NDFIP2: variants seen among roughly 807,000 people sequenced by gnomAD.
NDFIP2 encodes the protein NEDD4 family-interacting protein 2.
In NDFIP2, 19 loss-of-function variants were observed where a neutral mutation model predicts 36.0. The observed-to-expected ratio is 0.53, with a 90% CI of 0.37 to 0.77. NDFIP2 has a LOEUF of 0.77. NDFIP2 is among the 30% of genes least tolerant of loss of function. The pLI, the probability that NDFIP2 is intolerant of heterozygous loss-of-function variation, is 0.00. For missense variants in NDFIP2, 446 were observed against 435.8 expected (o/e 1.02, Z -0.21); for synonymous variants, 181 against 167.7 (o/e 1.08, Z -0.61).
chr13:79,552,069 C>T (rs1157928147), intron 7 of NDFIP2, among the ~76,000 whole-genome samples: 1 of 151,152 alleles, frequency 6.6e-6, no homozygotes, highest in Non-Finnish European at 1.5e-5. Context: ...ATATAATTTA[C>T]TTATTTCTGC....
chr13:79,482,169 C>CTTTTTTTTTTTTTT (rs10558361), intron 1 of NDFIP2, among the ~76,000 whole-genome samples: 7 of 75,886 alleles, frequency 9.2e-5, no homozygotes, highest in African/African-American at 2.4e-4. Context: ...TTCTTTCTTT[C>CTTTTTTTTTTTTTT]TTTTTTTTTT....
At chr13:79,512,273 A>G (rs945107736) in intron 1 of NDFIP2, among the ~76,000 whole-genome samples, 1 of 152,228 alleles carries the variant, frequency 6.6e-6, no homozygotes, top group African/African-American at 2.4e-5. Context: ...AAACCAAAGC[A>G]TTGGAATATT....
At chr13:79,526,921 TA>T in intron 2 of NDFIP2, among the ~76,000 whole-genome samples, 1 of 152,238 alleles carries the variant, frequency 6.6e-6, no homozygotes, top group East Asian at 1.9e-4. Context: ...GAGAATTAAA[TA>T]ACTTGCCTGT....
In NDFIP2 at chr13:79,482,169, C is replaced by CT. The variant is rs10558361; in HGVS notation, c.321+671dup. ...CCACTTTTTCTTTCTTTCTTTCTTT[C>CT]TTTTTTTTTTTTTTTTTTTTTTTTT... On this transcript the variant is annotated intron_variant, in intron 1 of 7. Transcript: ENST00000218652. Among the ~76,000 whole-genome samples the CT allele has an allele frequency of 5.5e-3, 414 of 75,898 alleles. 19 individuals are homozygous for CT. Among genetic ancestry groups the CT allele is most frequent in the East Asian group, 0.018 (34 of 1,928 alleles). 49.8% of individuals were successfully genotyped at this position (75,898 alleles called of 152,430 possible). A position where few individuals can be genotyped will look rare whatever the true frequency, so the allele number is the denominator to read the frequency against.
At chr13:79,482,187 T>C (rs1318777407) in intron 1 of NDFIP2, among the ~76,000 whole-genome samples, 1 of 147,116 alleles carries the variant, frequency 6.8e-6, no homozygotes, top group Non-Finnish European at 1.5e-5. Flanking sequence ...TTTTTTTTTT[T>C]TTTTTTTTGG....
At chr13:79,517,427 T>C (rs1048844076) in intron 1 of NDFIP2, among the ~76,000 whole-genome samples, 1 of 152,256 alleles carries the variant, frequency 6.6e-6, no homozygotes, top group African/African-American at 2.4e-5. Context: ...AGTAGAATTG[T>C]CTAATTTGAT....
At chr13:79,518,231 T>C (rs1313789654) in intron 1 of NDFIP2, among the ~76,000 whole-genome samples, 3 of 152,248 alleles carry the variant, frequency 2.0e-5, no homozygotes, top group African/African-American at 7.2e-5. Flanking sequence ...GCAAGAAATA[T>C]AAACTTCATT....
intron 1 of NDFIP2, among the ~76,000 whole-genome samples, chr13:79,489,922 G>T (rs1031925514): frequency 6.6e-6 from 1 of 152,192 alleles, no homozygotes; most frequent in Non-Finnish European, 1.5e-5. Flanking sequence ...GTCTAATGCC[G>T]AATGAAAATG....
chr13:79,500,653 G>T (rs1873629980), intron 1 of NDFIP2, among the ~76,000 whole-genome samples: 1 of 151,918 alleles, frequency 6.6e-6, no homozygotes, highest in Non-Finnish European at 1.5e-5. Flanking sequence ...AATTCAGAAC[G>T]CTGACAACAA....
At chr13:79,505,323 T>C (rs1181572470) in intron 1 of NDFIP2, among the ~76,000 whole-genome samples, 1 of 152,148 alleles carries the variant, frequency 6.6e-6, no homozygotes, top group South Asian at 2.1e-4. Context: ...TTATCCTTAC[T>C]GTGGGAGTTC....
At chr13:79,545,089 A>T (rs552239121) in intron 5 of NDFIP2, among the ~76,000 whole-genome samples, 1 of 152,178 alleles carries the variant, frequency 6.6e-6, no homozygotes, top group African/African-American at 2.4e-5. Flanking sequence ...AAAAACCTCA[A>T]AGTTGGGCCT....
chr13:79,548,784 C>G (rs905072546), intron 6 of NDFIP2, among the ~76,000 whole-genome samples: 7 of 151,958 alleles, frequency 4.6e-5, no homozygotes, highest in Non-Finnish European at 8.8e-5. Context: ...TGGAAACATT[C>G]TTTATGCTTT....
chr13:79,540,999 T>C (rs1479076583), intron 4 of NDFIP2, among the ~76,000 whole-genome samples: 1 of 152,226 alleles, frequency 6.6e-6, no homozygotes, highest in Non-Finnish European at 1.5e-5. Context: ...TTGGTTTTTA[T>C]CTTAATTTTG....
chr13:79,503,139 C>T (rs907571536), intron 1 of NDFIP2, among the ~76,000 whole-genome samples: 2 of 152,082 alleles, frequency 1.3e-5, no homozygotes, highest in Admixed American at 1.3e-4. Flanking sequence ...AGCTTATTTT[C>T]CTCCATGAAG....
intron 1 of NDFIP2, among the ~76,000 whole-genome samples, chr13:79,516,553 A>G (rs980068321): frequency 1.3e-5 from 2 of 152,172 alleles, no homozygotes; most frequent in African/African-American, 2.4e-5. Context: ...ATCTCATTGC[A>G]ATGACTCTTA....
intron 1 of NDFIP2, among the ~76,000 whole-genome samples, chr13:79,513,052 T>G (rs1435617539): frequency 6.6e-6 from 1 of 152,234 alleles, no homozygotes; most frequent in Non-Finnish European, 1.5e-5. Flanking sequence ...TGTGCCATGG[T>G]CTTTACTATA....
chr13:79,515,858 G>GT (rs11435384), intron 1 of NDFIP2, among the ~76,000 whole-genome samples: 57,085 of 134,560 alleles, frequency 0.42, 12,181 homozygotes, highest in East Asian at 0.72. Flanking sequence ...ATTCTAATCT[G>GT]TTTTTTTTTT....
chr13:79,511,286 G>T (rs984777136), intron 1 of NDFIP2, among the ~76,000 whole-genome samples: 2 of 152,124 alleles, frequency 1.3e-5, no homozygotes, highest in Admixed American at 6.5e-5. Flanking sequence ...TATAATTTGG[G>T]GTACAGTATT....
chr13:79,482,658 A>G (rs1377824950), intron 1 of NDFIP2, among the ~76,000 whole-genome samples: 1 of 152,234 alleles, frequency 6.6e-6, no homozygotes, highest in African/African-American at 2.4e-5. Context: ...TTCTATTAAT[A>G]AGTACATTTT....
Sources: allele counts gnomAD v4.1 joint callset (sites outside exome capture counted in the v4.1 genomes callset), GRCh38; gene constraint gnomAD v4.1.1; transcripts MANE v1.5; gene names NCBI Gene and HGNC (gene_info 2026-07-23, HGNC 2026-07-21).